The following GADL1 variants were observed in gnomAD, a reference collection of about 807,000 sequenced individuals.
The protein encoded by GADL1 is acidic amino acid decarboxylase GADL1.
Under a neutral mutation model 69.5 loss-of-function variants are expected in GADL1, and 71 were observed. That is an observed-to-expected ratio of 1.02 (90% CI 0.84 to 1.25). The LOEUF (loss-of-function observed/expected upper bound fraction) is 1.25. Among genes scored for constraint, GADL1 ranks in the 50% most tolerant of loss-of-function variants. The pLI is 0.00. For synonymous variants in GADL1, 254 were observed against 214.4 expected, an observed-to-expected ratio of 1.18 and a Z score of -1.62; for missense variants, 737 against 631.8, an observed-to-expected ratio of 1.17 and a Z score of -1.79.
intron 14 of GADL1, among the ~76,000 whole-genome samples, chr3:30,765,636 AT>A (rs1696258218): frequency 6.6e-6 from 1 of 152,208 alleles, no homozygotes; most frequent in Admixed American, 6.5e-5. Context: ...AGCTGTCAGC[AT>A]CTTAAAACTC....
chr3:30,766,953 C>T (rs1696296084), intron 14 of GADL1, among the ~76,000 whole-genome samples: 1 of 152,140 alleles, frequency 6.6e-6, no homozygotes. Context: ...GAGAAGATAT[C>T]TGGGGCTCAT....
intron 11 of GADL1, among the ~76,000 whole-genome samples, chr3:30,825,174 A>AC (rs1251826761): frequency 6.6e-6 from 1 of 151,932 alleles, no homozygotes; most frequent in Non-Finnish European, 1.5e-5. Flanking sequence ...GAGATTCAAG[A>AC]CCAGGGTACC....
chr3:30,893,516 C>G (rs1037100063), intron 1 of GADL1, among the ~76,000 whole-genome samples: 3 of 152,126 alleles, frequency 2.0e-5, no homozygotes, highest in Non-Finnish European at 4.4e-5. Flanking sequence ...CATTGACCTA[C>G]CTTTCTACAG....
chr3:30,882,172 TAATAA>T (rs1698652675), intron 1 of GADL1, among the ~76,000 whole-genome samples: 1 of 151,960 alleles, frequency 6.6e-6, no homozygotes, highest in South Asian at 2.1e-4. Context: ...AAAACATGAA[TAATAA>T]AATTTACCAT....
intron 14 of GADL1, among the ~76,000 whole-genome samples, chr3:30,741,302 A>T (rs1695623028): frequency 6.6e-6 from 1 of 150,774 alleles, no homozygotes; most frequent in South Asian, 2.1e-4. Flanking sequence ...TGATTTGATT[A>T]TGACACTTAA....
rs1321343908 is a variant in GADL1 at position 30,776,168 on chromosome 3, AGTCT to A, written c.1392+2007_1392+2010del. On this transcript the variant is annotated intron_variant, in intron 14 of 14. Coordinates refer to ENST00000282538, the MANE Select transcript of GADL1 (RefSeq NM_207359.3). ...TTCAATTTCTCTAAAAACAAACATGAGTCTGTCTAGTTATTCTAATCCCTGTCAG... is the reference window on the plus strand; with the variant it reads ...TTCAATTTCTCTAAAAACAAACATGAGTCTAGTTATTCTAATCCCTGTCAG... Among the ~76,000 whole-genome samples the A allele has an allele frequency of 5.9e-5, 9 of 152,324 alleles. No individual in the cohort carries two copies. In the East Asian group the frequency reaches 1.2e-3, roughly 20 times the overall value.
At chr3:30,821,186 C>T (rs542656799) in intron 11 of GADL1, among the ~76,000 whole-genome samples, 13 of 151,488 alleles carry the variant, frequency 8.6e-5, no homozygotes, top group African/African-American at 2.2e-4. Context: ...TGTGGGGAGG[C>T]GGGGAGAGAG....
chr3:30,766,303 G>A (rs1320151990), intron 14 of GADL1, among the ~76,000 whole-genome samples: 1 of 152,164 alleles, frequency 6.6e-6, no homozygotes, highest in Admixed American at 6.5e-5. Flanking sequence ...TTAACCCTGA[G>A]CATCAGGGAT....
intron 8 of GADL1, among the ~76,000 whole-genome samples, chr3:30,841,562 C>T (rs779718317): frequency 2.6e-4 from 40 of 152,140 alleles, no homozygotes; most frequent in Admixed American, 4.6e-4. Context: ...AAGAATAAGA[C>T]GTTTATCCTG....
intron 1 of GADL1, among the ~76,000 whole-genome samples, chr3:30,864,553 GA>G (rs1401309360): frequency 1.3e-5 from 2 of 151,940 alleles, no homozygotes; most frequent in Non-Finnish European, 2.9e-5. Flanking sequence ...AATGGGTCTA[GA>G]TGATGTCTTT....
chr3:30,867,850 G>A (rs1034036036), intron 1 of GADL1, among the ~76,000 whole-genome samples: 2 of 151,976 alleles, frequency 1.3e-5, no homozygotes, highest in Non-Finnish European at 2.9e-5. Context: ...GTAGTGCCAC[G>A]TGGAAGACAC....
chr3:30,800,752 G>A lies in GADL1; in HGVS notation c.1250+137C>T. The A allele has an allele frequency of 7.2e-6, 5 of 696,434 alleles. No individual in the cohort carries two copies. In the South Asian group the frequency reaches 7.3e-5, roughly 10 times the overall value. 43.1% of individuals were successfully genotyped at this position (696,434 alleles called of 1,614,324 possible). On this transcript the variant is annotated intron_variant, in intron 12 of 14. Coordinates refer to ENST00000282538, the MANE Select transcript of GADL1 (RefSeq NM_207359.3). ...AATGCACAAATGAAAACATGTACTT[G>A]CAACACATTTCAAGTATTACTTTCC... is the stretch of plus-strand genomic sequence containing the variant.
At chr3:30,869,824 G>T (rs1003195304) in intron 1 of GADL1, among the ~76,000 whole-genome samples, 1 of 151,688 alleles carries the variant, frequency 6.6e-6, no homozygotes, top group Non-Finnish European at 1.5e-5. Flanking sequence ...AAAACTTCAA[G>T]ACCAAAAAGA....
chr3:30,774,165 A>G (rs1001446789), intron 14 of GADL1, among the ~76,000 whole-genome samples: 3 of 152,162 alleles, frequency 2.0e-5, no homozygotes, highest in African/African-American at 7.2e-5. Flanking sequence ...TCAGATTTTC[A>G]TGATTTTGAG....
At chr3:30,850,631 C>G (rs896221760) in intron 5 of GADL1, among the ~76,000 whole-genome samples, 19 of 152,132 alleles carry the variant, frequency 1.2e-4, no homozygotes, top group African/African-American at 4.1e-4. Context: ...GTAGGCACCT[C>G]ATTCATTAAG....
In GADL1 at chr3:30,800,978, T is replaced by A. The variant is rs1053185420; in HGVS notation, c.1161A>T (p.Arg387Ser). The A allele has an allele frequency of 4.3e-6, 7 of 1,613,740 alleles. No individual in the cohort carries two copies. Among genetic ancestry groups the A allele is most frequent in the Non-Finnish European group, 5.1e-6 (6 of 1,179,866 alleles). The change falls in exon 12 of 15, where the codon AGA becomes AGT. Residue 387 changes from arginine (R) to serine (S), a missense_variant. Arg to Ser is a moderately radical substitution (Grantham distance 110). Coordinates refer to ENST00000282538, the MANE Select transcript of GADL1 (RefSeq NM_207359.3). ...TGDKSIQCSR[R>S]PDAFKFWMTW... Reference sequence around the variant, plus strand: ...TCATCCAGAACTTGAATGCATCTGGTCTTCTGCTACACTGGATAGACTTGT... The same window carrying A: ...TCATCCAGAACTTGAATGCATCTGGACTTCTGCTACACTGGATAGACTTGT...
intron 14 of GADL1, among the ~76,000 whole-genome samples, chr3:30,735,718 C>G (rs1390725602): frequency 6.6e-6 from 1 of 152,054 alleles, no homozygotes; most frequent in Non-Finnish European, 1.5e-5. Flanking sequence ...TATATAAACA[C>G]CAGCAGACAA....
At chr3:30,754,195 T>A (rs1451547686) in intron 14 of GADL1, among the ~76,000 whole-genome samples, 1 of 152,194 alleles carries the variant, frequency 6.6e-6, no homozygotes, top group Non-Finnish European at 1.5e-5. Context: ...CTTCATCCTT[T>A]TTTGCTTTCC....
At chr3:30,792,000 CTT>C (rs1696931645) in intron 12 of GADL1, among the ~76,000 whole-genome samples, 1 of 152,160 alleles carries the variant, frequency 6.6e-6, no homozygotes, top group Admixed American at 6.6e-5. Flanking sequence ...CACTGAACCT[CTT>C]TTTCTTTATA....
Sources: allele counts gnomAD v4.1 joint callset (sites outside exome capture counted in the v4.1 genomes callset), GRCh38; gene constraint gnomAD v4.1.1; transcripts MANE v1.5; gene names NCBI Gene and HGNC (gene_info 2026-07-23, HGNC 2026-07-21).